TRIM75: variants seen among roughly 807,000 people sequenced by gnomAD.
TRIM75 encodes the protein tripartite motif containing 75.
chr4:165,060,293 G>A, the TRIM75 span: 1 of 780,938 alleles, frequency 1.3e-6, no homozygotes, highest in Admixed American at 1.7e-5. Context: ...CAGCCCAGCA[G>A]GAATGTTGGA....
At chr4:165,059,740 A>C in the TRIM75 span, 1 of 780,810 alleles carries the variant, frequency 1.3e-6, no homozygotes, top group African/African-American at 1.7e-5. Flanking sequence ...GACCGTGAGC[A>C]ACAGGCAGTT....
the TRIM75 span, chr4:165,059,967 G>A: frequency 1.3e-6 from 1 of 778,596 alleles, no homozygotes; most frequent in South Asian, 1.3e-5. Flanking sequence ...TTTAAAGAGA[G>A]ATGGCTGCAG....
At chr4:165,060,542 A>C in the TRIM75 span, 1 of 742,028 alleles carries the variant, frequency 1.3e-6, no homozygotes, top group Non-Finnish European at 2.5e-6. Flanking sequence ...GTACAGGGAC[A>C]GTTTGTGAAT....
At chr4:165,059,622 C>A in the TRIM75 span, 1 of 780,732 alleles carries the variant, frequency 1.3e-6, no homozygotes, top group Non-Finnish European at 2.4e-6. Context: ...GGCAGACCTC[C>A]AAAAATTAAT....
At chr4:165,059,126 C>T in the TRIM75 span, 46 of 748,088 alleles carry the variant, frequency 6.1e-5, no homozygotes, top group African/African-American at 4.8e-4. Flanking sequence ...CCACCTTGGT[C>T]GAGACCTTCA....
chr4:165,053,981 G>A, the TRIM75 span, among the ~76,000 whole-genome samples: 1 of 152,042 alleles, frequency 6.6e-6, no homozygotes, highest in African/African-American at 2.4e-5. Flanking sequence ...GTGGGTGCGG[G>A]AGGCTGGAGT....
At chr4:165,060,191 G>C in the TRIM75 span, 2 of 780,900 alleles carry the variant, frequency 2.6e-6, no homozygotes, top group Non-Finnish European at 4.8e-6. Context: ...ATTCTGGCAG[G>C]CATTTCTGGG....
chr4:165,058,494 C>G, the TRIM75 span, among the ~76,000 whole-genome samples: 1 of 152,128 alleles, frequency 6.6e-6, no homozygotes, highest in South Asian at 2.1e-4. Flanking sequence ...GCAAATTTCT[C>G]CAAGTTACAG....
At chr4:165,059,113 A>G in the TRIM75 span, 1 of 725,212 alleles carries the variant, frequency 1.4e-6, no homozygotes. Context: ...TCTTGAAGAA[A>G]GCCCACCTTG....
the TRIM75 span, chr4:165,060,483 C>T: frequency 1.3e-6 from 1 of 779,760 alleles, no homozygotes; most frequent in Non-Finnish European, 2.4e-6. Context: ...TACTGGGCCT[C>T]TTCGGCCTTA....
At chr4:165,056,602 C>CTT in the TRIM75 span, among the ~76,000 whole-genome samples, 517 of 69,978 alleles carry the variant, frequency 7.4e-3, 35 homozygotes, top group Non-Finnish European at 0.01. Flanking sequence ...GTCTCTGTCT[C>CTT]TTTTTTTTTT....
the TRIM75 span, among the ~76,000 whole-genome samples, chr4:165,056,391 G>A: frequency 1.3e-5 from 2 of 151,714 alleles, no homozygotes; most frequent in Non-Finnish European, 2.9e-5. Context: ...TCCAAAGAAA[G>A]GTCTGTCTTC....
chr4:165,059,355 C>A, the TRIM75 span: 2 of 780,616 alleles, frequency 2.6e-6, no homozygotes, highest in Admixed American at 1.7e-5. Context: ...GAGCAACACC[C>A]AGCTGGGAAG....
chr4:165,054,266 A>ATTT, the TRIM75 span, among the ~76,000 whole-genome samples: 55 of 96,836 alleles, frequency 5.7e-4, 1 homozygote, highest in Admixed American at 8.0e-4. Context: ...TAATTTGTGT[A>ATTT]TTTTTTTTTT....
chr4:165,054,948 G>T, the TRIM75 span, among the ~76,000 whole-genome samples: 1 of 152,118 alleles, frequency 6.6e-6, no homozygotes, highest in Middle Eastern at 3.4e-3. Flanking sequence ...TAGAGTTGGG[G>T]GTGGGGTGGA....
chr4:165,060,377 C>T, the TRIM75 span: 1 of 780,900 alleles, frequency 1.3e-6, no homozygotes, highest in South Asian at 1.3e-5. Flanking sequence ...AGGTGAAAGC[C>T]AGGGCCATTG....
the TRIM75 span, among the ~76,000 whole-genome samples, chr4:165,057,507 A>G: frequency 0.066 from 10,100 of 152,212 alleles, 353 homozygotes; most frequent in South Asian, 0.13. Flanking sequence ...GTCAAAGGAA[A>G]AACTTTTTAA....
At chr4:165,059,424 G>C in the TRIM75 span, 1 of 780,862 alleles carries the variant, frequency 1.3e-6, no homozygotes, top group Middle Eastern at 2.3e-4. Context: ...GAAGCAGGAA[G>C]AGACCACCTT....
chr4:165,057,906 T>G, the TRIM75 span, among the ~76,000 whole-genome samples: 2 of 152,248 alleles, frequency 1.3e-5, no homozygotes, highest in African/African-American at 4.8e-5. Flanking sequence ...TTGGAGAGCA[T>G]GTTCCCATAC....
Sources: allele counts gnomAD v4.1 joint callset (sites outside exome capture counted in the v4.1 genomes callset), GRCh38; gene constraint gnomAD v4.1.1; transcripts MANE v1.5; gene names NCBI Gene and HGNC (gene_info 2026-07-23, HGNC 2026-07-21).